UMAD1: variants seen among roughly 807,000 people sequenced by gnomAD.
The protein encoded by UMAD1 is UBAP1-MVB12-associated (UMA) domain containing 1.
Under a neutral mutation model 6.1 loss-of-function variants are expected in UMAD1, and 8 were observed. The observed-to-expected ratio is 1.30, with a 90% CI of 0.76 to 2.35. UMAD1 has a LOEUF of 2.35. Among genes scored for constraint, UMAD1 ranks in the 30% most tolerant of loss-of-function variants. The pLI is 0.00. For missense variants in UMAD1, 130 were observed against 78.4 expected, an observed-to-expected ratio of 1.66 and a Z score of -2.49; for synonymous variants, 56 against 31.4, an observed-to-expected ratio of 1.78 and a Z score of -2.61.
At chr7:7,795,229 A>G (rs1782651322) in intron 2 of UMAD1, among the ~76,000 whole-genome samples, 1 of 152,226 alleles carries the variant, frequency 6.6e-6, no homozygotes, top group African/African-American at 2.4e-5. Flanking sequence ...TGGGTCATGG[A>G]CACACACATT....
chr7:7,676,589 C>T (rs895074080), intron 2 of UMAD1, among the ~76,000 whole-genome samples: 1 of 152,082 alleles, frequency 6.6e-6, no homozygotes, highest in African/African-American at 2.4e-5. Flanking sequence ...AGAGAAAGTG[C>T]TGTTTTTTAT....
chr7:7,710,723 A>G (rs183432608), intron 2 of UMAD1, among the ~76,000 whole-genome samples: 1 of 152,242 alleles, frequency 6.6e-6, no homozygotes, highest in Non-Finnish European at 1.5e-5. Flanking sequence ...TTGAAGACGT[A>G]TATGTGCATA....
chr7:7,745,018 C>T (rs1032986035), intron 2 of UMAD1, among the ~76,000 whole-genome samples: 2 of 152,064 alleles, frequency 1.3e-5, no homozygotes, highest in Non-Finnish European at 2.9e-5. Context: ...TTACTGATAA[C>T]GTAAACAGTC....
At chr7:7,790,896 T>C (rs542464967) in intron 2 of UMAD1, among the ~76,000 whole-genome samples, 1 of 149,820 alleles carries the variant, frequency 6.7e-6, no homozygotes, top group Non-Finnish European at 1.5e-5. Context: ...TTTCATTTTT[T>C]GTTTTTTTGA....
intron 3 of UMAD1, among the ~76,000 whole-genome samples, chr7:7,876,346 G>A (rs1011488996): frequency 6.6e-6 from 1 of 152,178 alleles, no homozygotes; most frequent in Non-Finnish European, 1.5e-5. Flanking sequence ...CACACCTGGA[G>A]CCAGATGGCG....
intron 2 of UMAD1, among the ~76,000 whole-genome samples, chr7:7,751,428 TGGTTAAC>T (rs1481483688): frequency 6.6e-6 from 1 of 152,360 alleles, no homozygotes; most frequent in Non-Finnish European, 1.5e-5. Flanking sequence ...TAGAGATTTT[TGGTTAAC>T]TAAGATTTCA....
At chr7:7,669,166 A>G (rs1290716868) in intron 1 of UMAD1, among the ~76,000 whole-genome samples, 6 of 152,030 alleles carry the variant, frequency 3.9e-5, no homozygotes, top group South Asian at 2.1e-4. Flanking sequence ...CATACTGTAT[A>G]TAGGGTTTAG....
intron 3 of UMAD1, chr7:7,868,189 A>G (rs10231029): frequency 0.53 from 80,475 of 152,030 alleles, 22,962 homozygotes; most frequent in African/African-American, 0.74. Flanking sequence ...CTTTAAAACA[A>G]TTTTTAAAAA....
At chr7:7,753,260 A>G (rs1781712121) in intron 2 of UMAD1, among the ~76,000 whole-genome samples, 1 of 152,194 alleles carries the variant, frequency 6.6e-6, no homozygotes. Context: ...TCAAGCATTT[A>G]TCCTTTGTGT....
chr7:7,811,271 A>G (rs1236350606), intron 3 of UMAD1, among the ~76,000 whole-genome samples: 2 of 152,182 alleles, frequency 1.3e-5, no homozygotes, highest in Non-Finnish European at 2.9e-5. Flanking sequence ...TTTTCCTAAT[A>G]TAAAACCCTT....
At chr7:7,766,654 T>C (rs1373081881) in intron 2 of UMAD1, among the ~76,000 whole-genome samples, 3 of 152,194 alleles carry the variant, frequency 2.0e-5, no homozygotes, top group Non-Finnish European at 4.4e-5. Context: ...TGTGAGCTGG[T>C]TAATGTTGAA....
At position 7,871,011 on chromosome 7, in the gene UMAD1, T is replaced by TA. The variant is rs61094692; in HGVS notation, c.157-6269dup. On this transcript the variant is annotated intron_variant, in intron 3 of 3. Coordinates refer to ENST00000682710, the MANE Select transcript of UMAD1 (RefSeq NM_001302348.2). ...AAGAATACTATAGTGCATTCCCACT[T>TA]ACCTTCATGTCTGTTTCAATAATTA... is the stretch of plus-strand genomic sequence containing the variant. Among the ~76,000 whole-genome samples, 485 of 152,356 alleles carry TA rather than the reference T, an allele frequency of 3.2e-3. 18 individuals carry two copies. In the East Asian group the frequency reaches 0.07, roughly 22 times the overall value.
intron 3 of UMAD1, among the ~76,000 whole-genome samples, chr7:7,828,598 G>A (rs1563240491): frequency 6.6e-6 from 1 of 152,200 alleles, no homozygotes; most frequent in East Asian, 1.9e-4. Flanking sequence ...ATGCTAGTTT[G>A]TGCAGGGGCT....
chr7:7,724,641 G>A (rs752767882), intron 2 of UMAD1, among the ~76,000 whole-genome samples: 1 of 152,230 alleles, frequency 6.6e-6, no homozygotes, highest in African/African-American at 2.4e-5. Flanking sequence ...TATGCAGAAG[G>A]CAGATGGATC....
At chr7:7,761,534 A>C (rs889119918) in intron 2 of UMAD1, among the ~76,000 whole-genome samples, 7 of 152,158 alleles carry the variant, frequency 4.6e-5, no homozygotes, top group African/African-American at 7.2e-5. Context: ...GCAGTACACA[A>C]ATTTTGTGGG....
intron 3 of UMAD1, among the ~76,000 whole-genome samples, chr7:7,844,447 T>A (rs1783745772): frequency 6.6e-6 from 1 of 152,146 alleles, no homozygotes; most frequent in Admixed American, 6.6e-5. Context: ...TTTTATTTTG[T>A]ATTGTTAGTA....
At chr7:7,716,425 A>G (rs1270609662) in intron 2 of UMAD1, among the ~76,000 whole-genome samples, 2 of 152,218 alleles carry the variant, frequency 1.3e-5, no homozygotes, top group Non-Finnish European at 2.9e-5. Context: ...CTTTTCTAAC[A>G]AAAGAGCAGC....
At chr7:7,764,029 GA>G (rs946359178) in intron 2 of UMAD1, among the ~76,000 whole-genome samples, 2 of 152,168 alleles carry the variant, frequency 1.3e-5, no homozygotes, top group Non-Finnish European at 2.9e-5. Flanking sequence ...TTCAGCCTAA[GA>G]AAATGCAAGC....
intron 3 of UMAD1, among the ~76,000 whole-genome samples, chr7:7,848,898 A>T (rs1278770051): frequency 6.6e-6 from 1 of 152,174 alleles, no homozygotes; most frequent in African/African-American, 2.4e-5. Context: ...CAAGGATAAC[A>T]ATACAATTTC....
Sources: gnomAD v4.1 joint callset for allele counts (sites outside exome capture counted in the v4.1 genomes callset) on GRCh38, gnomAD v4.1.1 for gene constraint, MANE v1.5 for transcripts, NCBI Gene and HGNC (gene_info 2026-07-23, HGNC 2026-07-21) for gene names.